The following KLHDC1 variants were observed in gnomAD, a reference collection of about 807,000 sequenced individuals.
KLHDC1 encodes kelch domain containing 1.
Under a neutral mutation model 68.3 loss-of-function variants are expected in KLHDC1, and 53 were observed. That is an observed-to-expected ratio of 0.78 (90% CI 0.62 to 0.98). The LOEUF is 0.98. KLHDC1 is among the 50% of genes least tolerant of loss of function. KLHDC1 has a pLI of 0.00. For missense variants in KLHDC1, 470 were observed against 492.3 expected (o/e 0.95, Z 0.43); for synonymous variants, 148 against 159.0 (o/e 0.93, Z 0.52).
chr14:49,710,501 TAATC>T (rs1888171573), intron 4 of KLHDC1, 120 bp downstream of exon 4: 2 of 612,288 alleles, frequency 3.3e-6, no homozygotes, highest in African/African-American at 3.7e-5. Flanking sequence ...ATTTTCTAAA[TAATC>T]AATATCTGAC....
At chr14:49,713,666 G>A (rs935982462) in intron 4 of KLHDC1, among the ~76,000 whole-genome samples, 5 of 150,614 alleles carry the variant, frequency 3.3e-5, no homozygotes, top group African/African-American at 9.8e-5. Flanking sequence ...TAAGAGGATC[G>A]CTTGGGGCCA....
chr14:49,715,759 A>T (rs1221775434), intron 4 of KLHDC1, among the ~76,000 whole-genome samples: 1,052 of 102,658 alleles, frequency 0.01, 26 homozygotes, highest in East Asian at 0.034. Context: ...AAAAAAAAAA[A>T]AAAAAAATAT....
chr14:49,696,184 C>CT (rs775054220), intron 1 of KLHDC1, among the ~76,000 whole-genome samples: 1,444 of 142,204 alleles, frequency 0.01, 7 homozygotes, highest in African/African-American at 0.018. Flanking sequence ...TCACCTTGCA[C>CT]TTTTTTTTTT....
chr14:49,698,445 G>T (rs1015800337), intron 1 of KLHDC1, among the ~76,000 whole-genome samples: 1 of 151,292 alleles, frequency 6.6e-6, no homozygotes, highest in Non-Finnish European at 1.5e-5. Flanking sequence ...CTCGTGATCC[G>T]CCCACCTCAG....
At chr14:49,711,367 A>AT (rs1364675431) in intron 4 of KLHDC1, among the ~76,000 whole-genome samples, 6 of 151,134 alleles carry the variant, frequency 4.0e-5, no homozygotes, top group Admixed American at 6.6e-5. Context: ...ACGCTGGCTA[A>AT]TTTTTTTTTG....
At chr14:49,705,270 C>A (rs763250455) in intron 1 of KLHDC1, among the ~76,000 whole-genome samples, 4 of 150,616 alleles carry the variant, frequency 2.7e-5, no homozygotes, top group Non-Finnish European at 5.9e-5. Flanking sequence ...AATACAGAAT[C>A]ATAAACATTT....
intron 2 of KLHDC1, 86 bp downstream of exon 2, chr14:49,709,315 T>C: frequency 3.3e-6 from 2 of 611,058 alleles, no homozygotes; most frequent in Non-Finnish European, 5.7e-6. Flanking sequence ...AGACCATACT[T>C]TGAACATACT....
In KLHDC1 at chr14:49,723,854, A is replaced by G; in HGVS notation, c.405-20A>G. On this transcript the variant is annotated intron_variant, in intron 4 of 12. Transcript: ENST00000359332. ...GGAAACAGAATTCCTAAAGTGTGTC[A>G]TTTCGTATTTGTTTTTCAGACTAAT... 7.0e-7 allele frequency: 1 copy of G among 1,430,948 alleles called. No individual in the cohort carries two copies. The highest frequency in any genetic ancestry group is 9.7e-7 in the Non-Finnish European group (1 of 1,027,900). 88.6% of individuals were successfully genotyped at this position (1,430,948 alleles called of 1,614,324 possible).
chr14:49,700,746 G>C (rs1284971115), intron 1 of KLHDC1, among the ~76,000 whole-genome samples: 1 of 152,148 alleles, frequency 6.6e-6, no homozygotes, highest in Non-Finnish European at 1.5e-5. Flanking sequence ...ATAATTAGTT[G>C]ACTTGATGCA....
At chr14:49,739,738 G>A (rs1889014531) in intron 10 of KLHDC1, among the ~76,000 whole-genome samples, 1 of 152,146 alleles carries the variant, frequency 6.6e-6, no homozygotes, top group African/African-American at 2.4e-5. Context: ...AAATATTGAA[G>A]GATATAGTAG....
intron 6 of KLHDC1, 34 bp downstream of exon 6, chr14:49,725,803 G>A: frequency 9.0e-7 from 1 of 1,108,250 alleles, no homozygotes; most frequent in Non-Finnish European, 1.3e-6. Context: ...TTATATATTT[G>A]TATTTAAAAA....
At chr14:49,715,132 T>G (rs1888336702) in intron 4 of KLHDC1, among the ~76,000 whole-genome samples, 1 of 148,964 alleles carries the variant, frequency 6.7e-6, no homozygotes, top group Non-Finnish European at 1.5e-5. Flanking sequence ...TTTATTATTT[T>G]TTTTTTCTGA....
At chr14:49,725,569 C>A in intron 5 of KLHDC1, 117 bp from the exon 6 acceptor site, 1 of 649,562 alleles carries the variant, frequency 1.5e-6, no homozygotes, top group South Asian at 2.2e-5. Flanking sequence ...ACTATGGTAA[C>A]ACTTAACTCT....
Position 49,728,911 on chromosome 14 carries a change from G to T in KLHDC1, c.568-15G>T, listed in dbSNP as rs1888734833. ...ATTTCAAGTCTTTGCAGTCTGTTCTGATTTCTACTTGCAGGGTGGAGTTCC... is the reference window on the plus strand; with the variant it reads ...ATTTCAAGTCTTTGCAGTCTGTTCTTATTTCTACTTGCAGGGTGGAGTTCC... On this transcript the variant is annotated splice_polypyrimidine_tract_variant and intron_variant, in intron 6 of 12. Transcript: ENST00000359332. 6.3e-7 allele frequency: 1 copy of T among 1,585,168 alleles called. No individual in the cohort carries two copies. Among genetic ancestry groups the T allele is most frequent in the African/African-American group, 1.3e-5 (1 of 74,534 alleles).
intron 4 of KLHDC1, among the ~76,000 whole-genome samples, chr14:49,723,190 A>G (rs1292115522): frequency 7.9e-5 from 12 of 151,210 alleles, no homozygotes; most frequent in African/African-American, 1.7e-4. Context: ...TCATGATTCA[A>G]TTACCTCCCA....
At chr14:49,732,673 T>C (rs1225721904) in intron 8 of KLHDC1, 31 bp from the exon 9 acceptor site, 1 of 1,097,446 alleles carries the variant, frequency 9.1e-7, no homozygotes, top group Admixed American at 1.9e-5. Flanking sequence ...ATTAATATAG[T>C]ACCTAGACTT....
At chr14:49,695,894 C>T (rs904111076) in intron 1 of KLHDC1, among the ~76,000 whole-genome samples, 1 of 152,026 alleles carries the variant, frequency 6.6e-6, no homozygotes, top group African/African-American at 2.4e-5. Flanking sequence ...GAAACCCCGT[C>T]TCTACTAAAA....
At chr14:49,708,096 A>T (rs1398292884) in intron 1 of KLHDC1, among the ~76,000 whole-genome samples, 1 of 131,056 alleles carries the variant, frequency 7.6e-6, no homozygotes, top group Non-Finnish European at 1.6e-5. Context: ...TTTGAGACAA[A>T]TTCTCACTCT....
intron 1 of KLHDC1, among the ~76,000 whole-genome samples, chr14:49,704,317 A>G (rs1262884089): frequency 3.3e-5 from 5 of 151,822 alleles, no homozygotes; most frequent in Admixed American, 6.6e-5. Context: ...ACAAGTTTTA[A>G]AATACAAAAT....
Sources: allele counts gnomAD v4.1 joint callset (sites outside exome capture counted in the v4.1 genomes callset), GRCh38; gene constraint gnomAD v4.1.1; transcripts MANE v1.5; gene names NCBI Gene and HGNC (gene_info 2026-07-23, HGNC 2026-07-21).